PNOC: variants seen among roughly 807,000 people sequenced by gnomAD.
PNOC encodes the protein nociceptin.
PNOC carries 10 observed loss-of-function variants against 15.6 expected under a neutral mutation model. The ratio of observed to expected loss-of-function variants is 0.64; its 90% CI spans 0.40 to 1.09. The LOEUF (loss-of-function observed/expected upper bound fraction) is 1.09, where lower values mean the gene tolerates loss of function less well. Ranked by LOEUF, PNOC falls within the 50% of genes least tolerant of loss-of-function variation. PNOC has a pLI of 0.01. For synonymous variants in PNOC, 98 were observed against 88.5 expected (o/e 1.11, Z -0.60); for missense variants, 220 against 223.9 (o/e 0.98, Z 0.11).
intron 1 of PNOC, among the ~76,000 whole-genome samples, chr8:28,317,824 T>G (rs1585821418): frequency 6.6e-6 from 1 of 151,422 alleles, no homozygotes; most frequent in Non-Finnish European, 1.5e-5. Context: ...CAGATGGGAG[T>G]TTTTAATCCG....
chr8:28,329,380 C>G (rs1801284341), intron 2 of PNOC, 97 bp downstream of exon 2: 1 of 1,386,768 alleles, frequency 7.2e-7, no homozygotes, highest in African/African-American at 1.4e-5. Context: ...GCCAAGGCCT[C>G]TCCCACAGCT....
intron 2 of PNOC, among the ~76,000 whole-genome samples, chr8:28,330,249 T>C (rs1801299547): frequency 2.6e-5 from 4 of 151,682 alleles, no homozygotes; most frequent in South Asian, 2.1e-4. Flanking sequence ...CCCCTCCGCA[T>C]AGCCATTTTA....
intron 1 of PNOC, among the ~76,000 whole-genome samples, chr8:28,317,860 C>T (rs1029002990): frequency 6.6e-6 from 1 of 152,156 alleles, no homozygotes; most frequent in Non-Finnish European, 1.5e-5. Context: ...CCTTCTGCCC[C>T]CAGCAGAAAT....
intron 2 of PNOC, among the ~76,000 whole-genome samples, chr8:28,333,071 T>G (rs975868527): frequency 6.6e-6 from 1 of 152,202 alleles, no homozygotes; most frequent in Non-Finnish European, 1.5e-5. Flanking sequence ...TCCTTATATG[T>G]TTGTCTTCTA....
chr8:28,335,895 C>T (rs189567380), intron 2 of PNOC, among the ~76,000 whole-genome samples: 2 of 151,170 alleles, frequency 1.3e-5, no homozygotes, highest in Admixed American at 1.3e-4. Flanking sequence ...CCCTTTAGAC[C>T]AGGTGTGGGC....
chr8:28,326,202 A>C (rs918310634), intron 1 of PNOC, among the ~76,000 whole-genome samples: 3 of 151,764 alleles, frequency 2.0e-5, no homozygotes, highest in African/African-American at 7.3e-5. Context: ...AAATTTAAAA[A>C]CTAACCAAGC....
chr8:28,329,374 A>T, intron 2 of PNOC, 91 bp downstream of exon 2: 3 of 1,453,282 alleles, frequency 2.1e-6, no homozygotes, highest in Non-Finnish European at 2.8e-6. Flanking sequence ...TGAGAAGCCA[A>T]GGCCTCTCCC....
intron 1 of PNOC, among the ~76,000 whole-genome samples, chr8:28,317,517 A>C (rs1801078491): frequency 6.6e-6 from 1 of 152,050 alleles, no homozygotes; most frequent in African/African-American, 2.4e-5. Flanking sequence ...GGGAGGGCTG[A>C]GTCTCTTTTT....
chr8:28,319,101 C>A (rs556375661), intron 1 of PNOC, among the ~76,000 whole-genome samples: 1 of 151,724 alleles, frequency 6.6e-6, no homozygotes, highest in African/African-American at 2.4e-5. Context: ...CGCTTTCACA[C>A]CTATTATCCC....
chr8:28,323,857 T>A (rs1801183922), intron 1 of PNOC, among the ~76,000 whole-genome samples: 3 of 152,266 alleles, frequency 2.0e-5, no homozygotes, highest in African/African-American at 7.2e-5. Context: ...GATATTTACA[T>A]AATTTTGAGT....
At chr8:28,330,397 T>TTTTATTTTTTTTATTTTTA (rs1491220831) in intron 2 of PNOC, among the ~76,000 whole-genome samples, 50 of 80,800 alleles carry the variant, frequency 6.2e-4, no homozygotes, top group African/African-American at 1.9e-3. Context: ...TTTTATTTTA[T>TTTTATTTTTTTTATTTTTA]TTTTTTTTTT....
rs377288105 is a variant in PNOC at position 28,330,396 on chromosome 8, A to ATTTTATTTTT, written c.126+1117_126+1118insATTTTTTTTT. On this transcript the variant is annotated intron_variant, in intron 2 of 3. Coordinates refer to ENST00000301908, the MANE Select transcript of PNOC (RefSeq NM_006228.5). ...ATTTTATTTTATTTTATTTTATTTT[A>ATTTTATTTTT]TTTTTTTTTTTTTTTTGAGACGGAG... 7.2e-3 allele frequency among the ~76,000 whole-genome samples: 580 copies of ATTTTATTTTT among 80,382 alleles called. 19 individuals are homozygous for ATTTTATTTTT. Among genetic ancestry groups the ATTTTATTTTT allele is most frequent in the African/African-American group, 0.022 (557 of 25,616 alleles). 52.7% of individuals were successfully genotyped at this position (80,382 alleles called of 152,430 possible).
intron 1 of PNOC, among the ~76,000 whole-genome samples, chr8:28,328,660 T>C (rs1801266376): frequency 6.6e-6 from 1 of 152,186 alleles, no homozygotes; most frequent in Non-Finnish European, 1.5e-5. Context: ...AGATCTCATT[T>C]CATCTTCACA....
chr8:28,324,925 C>T (rs1430630501), intron 1 of PNOC, among the ~76,000 whole-genome samples: 1 of 152,086 alleles, frequency 6.6e-6, no homozygotes, highest in Non-Finnish European at 1.5e-5. Flanking sequence ...CTTTTCCTTT[C>T]GTATATATTC....
At chr8:28,337,345 C>A (rs1364361837) in intron 2 of PNOC, among the ~76,000 whole-genome samples, 1 of 152,218 alleles carries the variant, frequency 6.6e-6, no homozygotes, top group Non-Finnish European at 1.5e-5. Flanking sequence ...CTCTGTCACC[C>A]AGGCTGGAGT....
At chr8:28,328,513 C>T (rs56390850) in intron 1 of PNOC, among the ~76,000 whole-genome samples, 44,887 of 130,240 alleles carry the variant, frequency 0.34, 7,281 homozygotes, top group Admixed American at 0.48. Flanking sequence ...AGAGAGAATT[C>T]GGGGTATGGG....
At chr8:28,330,400 T>TATTA (rs1431540071) in intron 2 of PNOC, among the ~76,000 whole-genome samples, 5 of 102,228 alleles carry the variant, frequency 4.9e-5, no homozygotes, top group Non-Finnish European at 8.2e-5. Flanking sequence ...TATTTTATTT[T>TATTA]TTTTTTTTTT....
intron 3 of PNOC, among the ~76,000 whole-genome samples, chr8:28,341,427 G>A (rs17058985): frequency 0.12 from 17,922 of 152,126 alleles, 1,203 homozygotes; most frequent in East Asian, 0.25. Flanking sequence ...ACAGTAAATC[G>A]TTCAGAAGTA....
At chr8:28,341,459 A>G (rs969337224) in intron 3 of PNOC, among the ~76,000 whole-genome samples, 2 of 152,256 alleles carry the variant, frequency 1.3e-5, no homozygotes, top group Non-Finnish European at 2.9e-5. Flanking sequence ...ATTCTTTCAA[A>G]TCTTAAAGAC....
Sources: allele counts gnomAD v4.1 joint callset (sites outside exome capture counted in the v4.1 genomes callset), GRCh38; gene constraint gnomAD v4.1.1; transcripts MANE v1.5; gene names NCBI Gene and HGNC (gene_info 2026-07-23, HGNC 2026-07-21).